Variants in KCNIP4 observed in about 807,000 individuals in gnomAD.
KCNIP4 encodes the protein Kv channel-interacting protein 4.
KCNIP4 carries 12 observed loss-of-function variants against 34.0 expected under a neutral mutation model. The observed-to-expected ratio is 0.35, with a 90% CI of 0.23 to 0.57. KCNIP4 has a LOEUF of 0.57. Ranked by LOEUF, KCNIP4 falls within the 20% of genes least tolerant of loss-of-function variation. KCNIP4 has a pLI of 0.83. For missense variants in KCNIP4, 238 were observed against 311.7 expected (o/e 0.76, Z 1.78); for synonymous variants, 124 against 102.2 (o/e 1.21, Z -1.29).
At chr4:21,529,236 C>T (rs986498265) in intron 1 of KCNIP4, among the ~76,000 whole-genome samples, 1 of 152,020 alleles carries the variant, frequency 6.6e-6, no homozygotes, top group Non-Finnish European at 1.5e-5. Flanking sequence ...TAAGTTCAGC[C>T]CAGAATCAAG....
rs142272500 is a variant in KCNIP4 at position 21,438,155 on chromosome 4, C to T, written c.61+510416G>A. Among the ~76,000 whole-genome samples the T allele has an allele frequency of 4.9e-4, 75 of 152,220 alleles. No individual in the cohort carries two copies. The East Asian group carries it at 8.1e-3, about 16-fold the overall frequency. ...AAATCTCGCTAGCTCTTCAAGACAA[C>T]CTGCTTATAACTATTTACATACACC... On this transcript the variant is annotated intron_variant, in intron 1 of 8. Coordinates refer to ENST00000382152, the MANE Select transcript of KCNIP4 (RefSeq NM_025221.6).
At chr4:21,480,880 G>A (rs1731368642) in intron 1 of KCNIP4, among the ~76,000 whole-genome samples, 1 of 152,110 alleles carries the variant, frequency 6.6e-6, no homozygotes, top group Non-Finnish European at 1.5e-5. Context: ...ATATTTAACA[G>A]TGCCAAACAA....
At chr4:20,791,064 T>G (rs1239010982) in intron 3 of KCNIP4, among the ~76,000 whole-genome samples, 1 of 152,152 alleles carries the variant, frequency 6.6e-6, no homozygotes, top group Non-Finnish European at 1.5e-5. Context: ...TGGGGCCAGA[T>G]GAAAAGACAT....
Position 20,933,728 on chromosome 4 carries a change from G to A in KCNIP4, c.62-51019C>T, listed in dbSNP as rs375630202. Reference sequence around the variant, plus strand: ...CTTTTGCCATAACTTTAGATACCACGTCTAGCTGAAAAAGAAAAAAAAAAA... The same window carrying A: ...CTTTTGCCATAACTTTAGATACCACATCTAGCTGAAAAAGAAAAAAAAAAA... On this transcript the variant is annotated intron_variant, in intron 1 of 8. Transcript: ENST00000382152. 7.9e-5 allele frequency among the ~76,000 whole-genome samples: 11 copies of A among 140,028 alleles called. No individual in the cohort carries two copies. In the East Asian group the frequency reaches 8.5e-4, roughly 11 times the overall value. The allele number at this position is 140,028 out of a possible 152,430, so 91.9% of individuals were successfully genotyped here.
At chr4:21,928,909 G>A (rs35152731) in intron 1 of KCNIP4, among the ~76,000 whole-genome samples, 36,878 of 151,768 alleles carry the variant, frequency 0.24, 5,346 homozygotes, top group South Asian at 0.36. Flanking sequence ...AACTCAGTTT[G>A]TATATCTACA....
In KCNIP4 at chr4:21,108,365, T is replaced by C. The variant is rs529764439; in HGVS notation, c.62-225656A>G. ...CATTCATTTCATCTTCCATCACTGA[T>C]ACCCTTTCTTCCAGTTGATCGCATC... On this transcript the variant is annotated intron_variant, in intron 1 of 8. Transcript: ENST00000382152. Among the ~76,000 whole-genome samples the C allele has an allele frequency of 4.6e-5, 7 of 151,034 alleles. No homozygotes were observed. The South Asian group carries it at 1.0e-3, about 22-fold the overall frequency.
At chr4:21,081,358 T>C (rs1360851141) in intron 1 of KCNIP4, among the ~76,000 whole-genome samples, 1 of 151,818 alleles carries the variant, frequency 6.6e-6, no homozygotes, top group African/African-American at 2.4e-5. Flanking sequence ...TTAGTGATTA[T>C]GCCCATATTT....
chr4:20,745,214 A>AT (rs57544923), intron 5 of KCNIP4, among the ~76,000 whole-genome samples: 9,721 of 151,108 alleles, frequency 0.064, 380 homozygotes, highest in Non-Finnish European at 0.096. Context: ...TGAAATTACC[A>AT]TTTTTTTTTG....
intron 1 of KCNIP4, among the ~76,000 whole-genome samples, chr4:21,734,206 C>A (rs1054055229): frequency 6.6e-6 from 1 of 152,074 alleles, no homozygotes; most frequent in African/African-American, 2.4e-5. Context: ...AATAATCTAG[C>A]AATACCAAGT....
At position 21,289,967 on chromosome 4, in the gene KCNIP4, T is replaced by A. The variant is rs551820645; in HGVS notation, c.62-407258A>T. 3.9e-5 allele frequency among the ~76,000 whole-genome samples: 6 copies of A among 152,260 alleles called. No individual in the cohort carries two copies. In the South Asian group the frequency reaches 1.2e-3, roughly 32 times the overall value. ...AAAACACATCAATGGAGTGAAATGG[T>A]TTGTCCCTAAGAATCAGAAAACTAA... On this transcript the variant is annotated intron_variant, in intron 1 of 8. Coordinates refer to ENST00000382152, the MANE Select transcript of KCNIP4 (RefSeq NM_025221.6).
At chr4:21,200,458 AT>A (rs1427083551) in intron 1 of KCNIP4, among the ~76,000 whole-genome samples, 1 of 151,396 alleles carries the variant, frequency 6.6e-6, no homozygotes, top group East Asian at 1.9e-4. Flanking sequence ...CTACACAGCC[AT>A]AAAAAAGAAT....
intron 5 of KCNIP4, among the ~76,000 whole-genome samples, chr4:20,739,815 GA>G (rs1750618688): frequency 6.6e-6 from 1 of 152,078 alleles, no homozygotes; most frequent in Admixed American, 6.6e-5. Flanking sequence ...GAAGATGTTC[GA>G]ACCCATCACA....
chr4:21,643,270 T>C (rs1204870162), intron 1 of KCNIP4, among the ~76,000 whole-genome samples: 1 of 152,216 alleles, frequency 6.6e-6, no homozygotes, highest in Non-Finnish European at 1.5e-5. Context: ...CTTTACATCA[T>C]AGTAGTTAAG....
chr4:20,731,887 A>C, intron 8 of KCNIP4, 119 bp downstream of exon 8: 2 of 1,474,856 alleles, frequency 1.4e-6, no homozygotes, highest in South Asian at 2.8e-5. Context: ...ATGTTGTAGA[A>C]GTGGTAAACT....
chr4:20,752,974 C>T (rs1021661361), intron 4 of KCNIP4: 6 of 152,154 alleles, frequency 3.9e-5, no homozygotes, highest in African/African-American at 1.2e-4. Context: ...CTCCCTTCTC[C>T]GTCTATGACC....
intron 1 of KCNIP4, among the ~76,000 whole-genome samples, chr4:21,929,588 C>T (rs13102882): frequency 0.26 from 38,934 of 152,052 alleles, 5,900 homozygotes; most frequent in East Asian, 0.62. Context: ...TAAACATGCC[C>T]AAACTTTTCC....
chr4:21,611,365 A>G (rs1744144078), intron 1 of KCNIP4, among the ~76,000 whole-genome samples: 1 of 152,122 alleles, frequency 6.6e-6, no homozygotes, highest in African/African-American at 2.4e-5. Context: ...TTATAAAACC[A>G]TCAGATCTTA....
chr4:21,094,877 C>T (rs949341549), intron 1 of KCNIP4, among the ~76,000 whole-genome samples: 2 of 152,150 alleles, frequency 1.3e-5, no homozygotes, highest in Admixed American at 6.5e-5. Flanking sequence ...GATTAAGAGC[C>T]TTGCCCAAGT....
At chr4:21,115,656 A>G (rs979155808) in intron 1 of KCNIP4, among the ~76,000 whole-genome samples, 4 of 152,202 alleles carry the variant, frequency 2.6e-5, no homozygotes, top group Non-Finnish European at 4.4e-5. Context: ...TTTCTGTTCT[A>G]TAGTGAAAGA....
Sources: gnomAD v4.1 joint callset for allele counts (sites outside exome capture counted in the v4.1 genomes callset) on GRCh38, gnomAD v4.1.1 for gene constraint, MANE v1.5 for transcripts, NCBI Gene and HGNC (gene_info 2026-07-23, HGNC 2026-07-21) for gene names.